BCORL1: variants seen among roughly 807,000 people sequenced by gnomAD.
BCORL1 encodes the protein BCL6 corepressor like 1.
A neutral mutation model predicts 87.6 loss-of-function variants in BCORL1; 7 were observed. The observed-to-expected ratio is 0.08, with a 90% CI of 0.05 to 0.15. The LOEUF (loss-of-function observed/expected upper bound fraction) is 0.15. BCORL1 is among the 10% of genes least tolerant of loss of function. The pLI is 1.00. For synonymous variants in BCORL1, 591 were observed against 634.4 expected (o/e 0.93, Z 1.03); for missense variants, 1,215 against 1,499.7 (o/e 0.81, Z 3.13).
chrX:130,030,671 G>A lies in BCORL1; in HGVS notation c.4305+1810G>A, dbSNP rs180949973. On this transcript the variant is annotated intron_variant, in intron 8 of 13. Transcript: ENST00000540052. ...CAAGCAGCGCTGGGAAAAGGTGGGC[G>A]TCTCAGGCTCCTGCTCCCCCTCCCC... is the stretch of plus-strand genomic sequence containing the variant. Among the ~76,000 whole-genome samples, 6 of 111,177 alleles carry A rather than the reference G, an allele frequency of 5.4e-5. No individual in the cohort carries two copies. The South Asian group carries it at 1.1e-3, about 21-fold the overall frequency.
At chrX:130,009,192 C>T (rs1472086110) in intron 2 of BCORL1, among the ~76,000 whole-genome samples, 4 of 110,986 alleles carry the variant, frequency 3.6e-5, no homozygotes, top group East Asian at 5.7e-4. Flanking sequence ...TGGCTGGGCA[C>T]GGTGACTCAC....
chrX:130,023,001 C>G (rs375018711), intron 6 of BCORL1, 24 bp downstream of exon 6: 82 of 1,133,628 alleles, frequency 7.2e-5, no homozygotes, highest in Admixed American at 5.1e-4. Context: ...AGGTGATGGC[C>G]CCTCTCAGCA....
intron 1 of BCORL1, among the ~76,000 whole-genome samples, chrX:130,004,498 G>A (rs977311574): frequency 1.2e-4 from 13 of 111,362 alleles, no homozygotes; most frequent in African/African-American, 4.2e-4. Context: ...ACCCGCCTCG[G>A]CCTCCCAAAA....
intron 2 of BCORL1, among the ~76,000 whole-genome samples, chrX:130,012,272 G>A (rs1001728537): frequency 3.6e-5 from 4 of 111,512 alleles, no homozygotes; most frequent in Admixed American, 1.9e-4. Context: ...GTAAGCTCCA[G>A]GGAAAAGGTA....
chrX:129,988,203 T>C (rs1051234239), intron 1 of BCORL1, among the ~76,000 whole-genome samples: 1 of 111,964 alleles, frequency 8.9e-6, no homozygotes, highest in African/African-American at 3.2e-5. Flanking sequence ...TTAATGCCCA[T>C]TTTTGAATGG....
intron 11 of BCORL1, among the ~76,000 whole-genome samples, chrX:130,047,228 G>A (rs1159080571): frequency 9.0e-6 from 1 of 111,296 alleles, no homozygotes; most frequent in Non-Finnish European, 1.9e-5. Context: ...ATCCATTTTC[G>A]TTCTTTGGGG....
Position 130,015,533 on chromosome X carries a change from C to A in BCORL1, c.2761C>A (p.Pro921Thr), listed in dbSNP as rs777379760. Residue 921 changes from proline (P) to threonine (T), a missense_variant, in exon 4 of 14, where the codon CCT becomes ACT. By Grantham distance (38) the Pro-to-Thr change is conservative. Transcript: ENST00000540052. ...CAAGCCTTATGAAGAACAAGTCAAT[C>A]CTGTCCTCTTGACCCTCAGCCCTCA... ...AAKPYEEQVNPVLLTLSPQTG... is the reference protein window; with the variant it reads ...AAKPYEEQVNTVLLTLSPQTG... 8.3e-7 allele frequency: 1 copy of A among 1,211,071 alleles called. No homozygotes were observed. Among genetic ancestry groups the A allele is most frequent in the African/African-American group, 1.7e-5 (1 of 57,541 alleles).
At chrX:130,012,363 T>C (rs1929041111) in intron 2 of BCORL1, among the ~76,000 whole-genome samples, 1 of 111,486 alleles carries the variant, frequency 9.0e-6, no homozygotes, top group African/African-American at 3.3e-5. Flanking sequence ...CTAGTCAGAC[T>C]GGGCTCTGGT....
intron 9 of BCORL1, among the ~76,000 whole-genome samples, chrX:130,036,262 C>CTT (rs747499783): frequency 2.0e-5 from 2 of 101,769 alleles, no homozygotes; most frequent in Non-Finnish European, 4.1e-5. Flanking sequence ...TTGGATTATC[C>CTT]TTTTTTTTTT....
chrX:130,021,294 C>T, intron 5 of BCORL1, 144 bp downstream of exon 5: 1 of 1,060,130 alleles, frequency 9.4e-7, no homozygotes, highest in Non-Finnish European at 1.2e-6. Context: ...TATGATTGAC[C>T]CCTCTGAAGT....
In BCORL1 at chrX:130,003,355, T is replaced by C. The variant is rs562386967; in HGVS notation, c.-44-1833T>C. ...TGTATTATCTCCTCCTCCTCCTCCT[T>C]CTTCTTCTTCTTCTTCTTCTTTTTT... On this transcript the variant is annotated intron_variant, in intron 1 of 13. Transcript: ENST00000540052. 1.3e-3 allele frequency among the ~76,000 whole-genome samples: 126 copies of C among 95,680 alleles called. 1 individual carries two copies. The South Asian group carries it at 0.03, about 23-fold the overall frequency. 83.1% of individuals were successfully genotyped at this position (95,680 alleles called of 115,157 possible).
At chrX:130,016,342 A>AT in intron 4 of BCORL1, 129 bp downstream of exon 4, 1 of 866,934 alleles carries the variant, frequency 1.2e-6, no homozygotes, top group African/African-American at 2.0e-5. Context: ...AACTGAACGG[A>AT]TTGGAAGGCT....
At chrX:130,045,316 T>TG (rs1931678833) in intron 11 of BCORL1, among the ~76,000 whole-genome samples, 10 of 112,372 alleles carry the variant, frequency 8.9e-5, no homozygotes, top group Admixed American at 6.6e-4. Context: ...TCAGAGGAAG[T>TG]ATCAGGACAC....
chrX:130,016,628 A>C (rs1188284414), intron 4 of BCORL1, among the ~76,000 whole-genome samples: 2 of 112,110 alleles, frequency 1.8e-5, no homozygotes, highest in African/African-American at 6.5e-5. Context: ...TGGGGAGAGC[A>C]GGGGCCTCTG....
rs1019925690 is a variant in BCORL1 at position 130,037,531 on chromosome X, G to A, written c.4692G>A (p.Thr1564=). Residue 1564 remains threonine (T), a splice_region_variant and synonymous_variant, in exon 10 of 14, where the codon ACG becomes ACA. Transcript: ENST00000540052. ...ANVNCSAQDG[T]RPVHDAVVND... is the part of the protein sequence containing the mutation. ...TGAACTGCAGTGCGCAGGACGGCAC[G>A]AGGCAAGAGGGCTGCATCTCCCCCC... 17 of 1,201,449 alleles carry A rather than the reference G, an allele frequency of 1.4e-5. No individual in the cohort carries two copies. Among genetic ancestry groups the A allele is most frequent in the South Asian group, 9.0e-5 (5 of 55,698 alleles).
chrX:130,038,164 G>A (rs763794884), intron 10 of BCORL1, among the ~76,000 whole-genome samples: 9 of 111,783 alleles, frequency 8.1e-5, no homozygotes, highest in African/African-American at 2.9e-4. Context: ...ACTCATCCTG[G>A]TGGGGGACGT....
intron 1 of BCORL1, among the ~76,000 whole-genome samples, chrX:129,994,028 C>T (rs957283344): frequency 8.9e-6 from 1 of 112,357 alleles, no homozygotes; most frequent in Non-Finnish European, 1.9e-5. Flanking sequence ...CTCAGGTGAT[C>T]GCCTGCCTTG....
At chrX:130,047,230 T>A (rs1420018126) in intron 11 of BCORL1, among the ~76,000 whole-genome samples, 1 of 111,446 alleles carries the variant, frequency 9.0e-6, no homozygotes, top group African/African-American at 3.3e-5. Flanking sequence ...CCATTTTCGT[T>A]CTTTGGGGCA....
chrX:130,042,157 T>C (rs1478858149), intron 11 of BCORL1, among the ~76,000 whole-genome samples: 2 of 110,259 alleles, frequency 1.8e-5, no homozygotes, highest in African/African-American at 6.6e-5. Context: ...GGTACAATCA[T>C]AGCTCAGTGC....
Sources: gnomAD v4.1 joint callset for allele counts (sites outside exome capture counted in the v4.1 genomes callset) on GRCh38, gnomAD v4.1.1 for gene constraint, MANE v1.5 for transcripts, NCBI Gene and HGNC (gene_info 2026-07-23, HGNC 2026-07-21) for gene names.